Variants in PCDHA5 observed in about 807,000 individuals in gnomAD.
The protein encoded by PCDHA5 is protocadherin alpha 5, also known as protocadherin alpha-5.
In PCDHA5, 43 loss-of-function variants were observed where a neutral mutation model predicts 61.6. The ratio of observed to expected loss-of-function variants is 0.70; its 90% confidence interval spans 0.55 to 0.90. The LOEUF is 0.90. Ranked by LOEUF, PCDHA5 falls within the 40% of genes least tolerant of loss-of-function variation. PCDHA5 has a pLI of 0.00. For synonymous variants in PCDHA5, 627 were observed against 543.9 expected (o/e 1.15, Z -2.13); for missense variants, 1,298 against 1,222.7 (o/e 1.06, Z -0.92).
At chr5:140,886,138 T>C (rs1166911705) in intron 1 of PCDHA5, among the ~76,000 whole-genome samples, 2 of 152,208 alleles carry the variant, frequency 1.3e-5, no homozygotes, top group African/African-American at 4.8e-5. Flanking sequence ...AACCAGATTC[T>C]TGATATCACC....
intron 1 of PCDHA5, chr5:140,829,604 T>C: frequency 1.2e-6 from 2 of 1,612,064 alleles, no homozygotes; most frequent in Non-Finnish European, 1.7e-6. Context: ...GCGCGCGTTG[T>C]CGAGCTACAT....
rs1336398509 is a variant in PCDHA5 at position 140,898,765 on chromosome 5, G to A, written c.2352+74638G>A. On this transcript the variant is annotated intron_variant, in intron 1 of 3. Transcript: ENST00000529859. ...GCTTGATGGGGATGGCATTGAATCT[G>A]TAAATTACCTTGGGCAGTATGGCCA... 8.0e-3 allele frequency among the ~76,000 whole-genome samples: 1,218 copies of A among 151,752 alleles called. 6 individuals are homozygous for A. The highest frequency in any genetic ancestry group is 0.019 in the African/African-American group (786 of 41,220).
At chr5:140,950,821 G>T (rs1361371532) in intron 1 of PCDHA5, among the ~76,000 whole-genome samples, 8 of 152,020 alleles carry the variant, frequency 5.3e-5, no homozygotes, top group Non-Finnish European at 4.4e-5. Context: ...TAGGGTTAAA[G>T]TTTGGTCCTT....
At chr5:140,835,933 T>C (rs1774056119) in intron 1 of PCDHA5, 1 of 1,612,410 alleles carries the variant, frequency 6.2e-7, no homozygotes, top group Non-Finnish European at 8.5e-7. Context: ...AGCGGCAAGG[T>C]GTACGCGCTG....
At chr5:140,892,136 G>T (rs1441807118) in intron 1 of PCDHA5, among the ~76,000 whole-genome samples, 1 of 152,254 alleles carries the variant, frequency 6.6e-6, no homozygotes, top group East Asian at 1.9e-4. Flanking sequence ...TAAGCTCATG[G>T]TTTTAGCGTC....
intron 1 of PCDHA5, among the ~76,000 whole-genome samples, chr5:140,976,680 C>T (rs2096726528): frequency 6.6e-6 from 1 of 152,146 alleles, no homozygotes; most frequent in African/African-American, 2.4e-5. Context: ...CTCATTTTTG[C>T]AATTTAAGTA....
At chr5:140,883,485 CATT>C in intron 1 of PCDHA5, 1 of 1,614,190 alleles carries the variant, frequency 6.2e-7, no homozygotes. Flanking sequence ...AACTACTACT[CATT>C]AGTGCTGGAC....
intron 1 of PCDHA5, chr5:140,883,380 T>C (rs1554177974): frequency 1.2e-6 from 2 of 1,614,176 alleles, no homozygotes; most frequent in Admixed American, 3.3e-5. Context: ...ATTATTGCCC[T>C]AATCAGTGTG....
chr5:140,988,675 A>C (rs574653772), intron 3 of PCDHA5, among the ~76,000 whole-genome samples: 1 of 152,228 alleles, frequency 6.6e-6, no homozygotes, highest in East Asian at 1.9e-4. Context: ...ACTCTAAGAT[A>C]ATTCTTTCCC....
intron 1 of PCDHA5, among the ~76,000 whole-genome samples, chr5:140,874,903 C>T (rs543752012): frequency 1.3e-5 from 2 of 152,172 alleles, no homozygotes; most frequent in South Asian, 4.1e-4. Context: ...TAAAATCTTA[C>T]GATGGAGTGC....
chr5:140,975,588 A>G (rs2096673583), intron 1 of PCDHA5, among the ~76,000 whole-genome samples: 1 of 152,210 alleles, frequency 6.6e-6, no homozygotes, highest in South Asian at 2.1e-4. Context: ...CATGTCCCAG[A>G]GGGCAATTTG....
chr5:140,829,493 A>G, intron 1 of PCDHA5: 1 of 1,613,654 alleles, frequency 6.2e-7, no homozygotes, highest in Non-Finnish European at 8.5e-7. Flanking sequence ...GAAGGAGAAC[A>G]ACCCGCCGGG....
intron 1 of PCDHA5, chr5:140,877,012 A>G: frequency 6.2e-7 from 1 of 1,612,352 alleles, no homozygotes; most frequent in Non-Finnish European, 8.5e-7. Flanking sequence ...GCACGCGGAG[A>G]GCGGCAAGGT....
intron 1 of PCDHA5, chr5:140,926,320 C>G (rs555057115): frequency 2.5e-3 from 377 of 152,358 alleles, no homozygotes; most frequent in Non-Finnish European, 3.8e-3. Flanking sequence ...AGAGGTGCGC[C>G]GGGGTCAGAG....
At chr5:140,856,690 T>G (rs1368181199) in intron 1 of PCDHA5, 2 of 1,597,086 alleles carry the variant, frequency 1.3e-6, no homozygotes, top group African/African-American at 2.7e-5. Context: ...TGACAGCAAC[T>G]GATGGAGGCA....
chr5:140,876,814 G>C (rs571648883), intron 1 of PCDHA5: 4 of 1,614,226 alleles, frequency 2.5e-6, no homozygotes, highest in Non-Finnish European at 2.5e-6. Flanking sequence ...GGTGGCCGAC[G>C]TGAACGACAA....
At chr5:140,956,057 T>C (rs2095252530) in intron 1 of PCDHA5, among the ~76,000 whole-genome samples, 1 of 152,308 alleles carries the variant, frequency 6.6e-6, no homozygotes, top group South Asian at 2.1e-4. Flanking sequence ...GCTGAGACAA[T>C]GGGGTTTTCC....
At chr5:140,941,215 C>CTTTCTTTCTTTCTTTG (rs2092887387) in intron 1 of PCDHA5, among the ~76,000 whole-genome samples, 2 of 104,510 alleles carry the variant, frequency 1.9e-5, no homozygotes, top group Non-Finnish European at 4.1e-5. Context: ...TTCTTTCTTC[C>CTTTCTTTCTTTCTTTG]TTTCTTTCTT....
rs1215041869 is a variant in PCDHA5, at chr5:141,010,411, G to T, written c.*474G>T. ...TGAGACGAGCCAGCTTAGACTAATT[G>T]GTACAAGGAAGGCAAGAAAACAAAG... On this transcript the variant is annotated 3_prime_UTR_variant, in exon 4 of 4. Transcript: ENST00000529859. 4.1e-6 allele frequency: 5 copies of T among 1,224,236 alleles called. No individual in the cohort carries two copies. The highest frequency in any genetic ancestry group is 4.4e-6 in the Non-Finnish European group (4 of 905,798). The allele number at this position is 1,224,236 out of a possible 1,614,324, so 75.8% of individuals were successfully genotyped here. A position where few individuals can be genotyped will look rare whatever the true frequency, so the allele number is the denominator to read the frequency against.
Sources: allele counts gnomAD v4.1 joint callset (sites outside exome capture counted in the v4.1 genomes callset), GRCh38; gene constraint gnomAD v4.1.1; transcripts MANE v1.5; gene names NCBI Gene and HGNC (gene_info 2026-07-23, HGNC 2026-07-21).